UFSP2: variants seen among roughly 807,000 people sequenced by gnomAD.
The protein encoded by UFSP2 is ufm1-specific protease 2.
UFSP2 carries 43 observed loss-of-function variants against 60.2 expected under a neutral mutation model. The observed-to-expected ratio is 0.71, with a 90% CI of 0.56 to 0.92. UFSP2 has a LOEUF of 0.92. Among genes scored for constraint, UFSP2 ranks in the 40% least tolerant of loss-of-function variants. UFSP2 has a pLI of 0.00. For synonymous variants in UFSP2, 183 were observed against 195.1 expected (o/e 0.94, Z 0.52); for missense variants, 520 against 575.0 (o/e 0.90, Z 0.98).
chr4:185,422,126 A>G (rs2095550517), intron 2 of UFSP2, among the ~76,000 whole-genome samples: 1 of 152,176 alleles, frequency 6.6e-6, no homozygotes, highest in Non-Finnish European at 1.5e-5. Context: ...TATTTAAGAG[A>G]GTAGGTTCTG....
Position 185,408,271 on chromosome 4 carries a change from C to CGT in UFSP2, c.995_996insAC (p.Ala333ArgfsTer3). The CGT allele has an allele frequency of 6.2e-7, 1 of 1,613,748 alleles. No individual in the cohort carries two copies. Among genetic ancestry groups the CGT allele is most frequent in the Non-Finnish European group, 8.5e-7 (1 of 1,179,742 alleles). Reference sequence around the variant, plus strand: ...TAATTTAAAACGGTATGTTCTGTACCTGCTGAATTTCTCTGTGTGTTGGAA... The same window carrying CGT: ...TAATTTAAAACGGTATGTTCTGTACCGTTGCTGAATTTCTCTGTGTGTTGGAA... On this transcript the variant is annotated frameshift_variant and splice_region_variant, in exon 8 of 12. Coordinates refer to ENST00000264689, the MANE Select transcript of UFSP2 (RefSeq NM_018359.5). LOFTEE classifies it high-confidence loss of function.
rs78428291 is a variant in UFSP2 at position 185,404,075 on chromosome 4, G to T, written c.1199-457C>A. On this transcript the variant is annotated intron_variant, in intron 10 of 11. Coordinates refer to ENST00000264689, the MANE Select transcript of UFSP2 (RefSeq NM_018359.5). Reference sequence around the variant, plus strand: ...AAAGACACAATGTCAGATATACTCTGAAAGGATAAAATTACATCTTTAACA... The same window carrying T: ...AAAGACACAATGTCAGATATACTCTTAAAGGATAAAATTACATCTTTAACA... Among the ~76,000 whole-genome samples, 1,282 of 150,890 alleles carry T rather than the reference G, an allele frequency of 8.5e-3. 17 individuals are homozygous for T. Among genetic ancestry groups the T allele is most frequent in the African/African-American group, 0.03 (1,234 of 41,214 alleles).
intron 11 of UFSP2, among the ~76,000 whole-genome samples, chr4:185,402,988 C>T (rs1377905403): frequency 1.3e-5 from 2 of 152,102 alleles, no homozygotes; most frequent in South Asian, 4.1e-4. Flanking sequence ...ATTTTTACCT[C>T]CTTTATCTGC....
intron 5 of UFSP2, 74 bp from the exon 6 acceptor site, chr4:185,415,421 T>C (rs2095536805): frequency 1.6e-6 from 2 of 1,286,762 alleles, no homozygotes; most frequent in African/African-American, 3.2e-5. Flanking sequence ...AGAGCTAATA[T>C]ATCCTTAGTA....
chr4:185,418,540 G>T, intron 3 of UFSP2, 33 bp from the exon 4 acceptor site: 6 of 1,609,428 alleles, frequency 3.7e-6, no homozygotes, highest in Non-Finnish European at 5.1e-6. Flanking sequence ...TTTATAATAT[G>T]AAATGATGTT....
rs1270560414 is a variant in UFSP2, at chr4:185,415,862, T to C, written c.339A>G (p.Gln113=). Residue 113 remains glutamine, a synonymous_variant, in exon 5 of 12, where the codon CAA becomes CAG. Transcript: ENST00000264689. ...KKDKKLSDMH[Q]IVNIDLMLEM... ...CCAGCATAAGATCTATATTTACTAT[T>C]TGATGCTATATAGATAAACAGTAAT... 2 of 1,612,132 alleles carry C rather than the reference T, an allele frequency of 1.2e-6. No homozygotes were observed. Among genetic ancestry groups the C allele is most frequent in the East Asian group, 4.5e-5 (2 of 44,854 alleles).
In UFSP2 at chr4:185,418,047, A is replaced by AACACACACAC. The variant is rs56260529; in HGVS notation, c.333+384_333+393dup. On this transcript the variant is annotated intron_variant, in intron 4 of 11. Transcript: ENST00000264689. ...TAAAAAGAGTGAAACTCCATCTCAA[A>AACACACACAC]ACACACACACACACACACACAAACA... Among the ~76,000 whole-genome samples, 127 of 143,050 alleles carry AACACACACAC rather than the reference A, an allele frequency of 8.9e-4. 1 individual carries two copies. The highest frequency in any genetic ancestry group is 2.0e-3 in the South Asian group (9 of 4,442). The allele number at this position is 143,050 out of a possible 152,430, so 93.8% of individuals were successfully genotyped here.
chr4:185,425,629 T>C (rs796919295), intron 1 of UFSP2, among the ~76,000 whole-genome samples: 4 of 152,180 alleles, frequency 2.6e-5, no homozygotes, highest in African/African-American at 4.8e-5. Context: ...CACAGAGAAG[T>C]AGCAGGGGGT....
At chr4:185,410,008 C>T (rs2095526469) in intron 7 of UFSP2, among the ~76,000 whole-genome samples, 1 of 152,086 alleles carries the variant, frequency 6.6e-6, no homozygotes. Context: ...AGAACTGAGA[C>T]AATACATTTT....
chr4:185,406,763 A>ACAG (rs2095521041), intron 9 of UFSP2, among the ~76,000 whole-genome samples: 1 of 151,836 alleles, frequency 6.6e-6, no homozygotes, highest in Non-Finnish European at 1.5e-5. Context: ...TTTAGTAGAG[A>ACAG]CAGGGTTTCA....
At chr4:185,405,002 C>CTTTTTT (rs70962563) in intron 10 of UFSP2, among the ~76,000 whole-genome samples, 8 of 138,190 alleles carry the variant, frequency 5.8e-5, no homozygotes, top group Non-Finnish European at 9.2e-5. Flanking sequence ...ACCTCCATTT[C>CTTTTTT]TTTTTTTTTT....
Position 185,407,757 on chromosome 4 carries a change from C to CAA in UFSP2, c.1121+177_1121+178dup, listed in dbSNP as rs200719389. Among the ~76,000 whole-genome samples the CAA allele has an allele frequency of 3.1e-3, 419 of 137,222 alleles. 2 individuals are homozygous for CAA. Among genetic ancestry groups the CAA allele is most frequent in the Middle Eastern group, 0.015 (4 of 272 alleles). 90.0% of individuals were successfully genotyped at this position (137,222 alleles called of 152,430 possible). A position where few individuals can be genotyped will look rare whatever the true frequency, so the allele number is the denominator to read the frequency against. ...GTTTATTCATAAAATCAGAGCCTTC[C>CAA]AAAAAAAAATGAAAAAAAATTAAGA... On this transcript the variant is annotated intron_variant, in intron 9 of 11. Coordinates refer to ENST00000264689, the MANE Select transcript of UFSP2 (RefSeq NM_018359.5).
At chr4:185,403,743 G>A (rs1407762349) in intron 10 of UFSP2, 125 bp from the exon 11 acceptor site, 10 of 1,205,284 alleles carry the variant, frequency 8.3e-6, no homozygotes, top group Non-Finnish European at 1.1e-5. Flanking sequence ...CACTTTGGGA[G>A]GTGGGTGGAT....
intron 2 of UFSP2, among the ~76,000 whole-genome samples, chr4:185,419,515 A>C (rs765462303): frequency 1.3e-5 from 2 of 152,202 alleles, no homozygotes; most frequent in African/African-American, 2.4e-5. Context: ...AATCCCATTC[A>C]ATCCACTTAC....
intron 7 of UFSP2, 42 bp from the exon 8 acceptor site, chr4:185,408,477 T>C: frequency 6.3e-7 from 1 of 1,576,820 alleles, no homozygotes; most frequent in Non-Finnish European, 8.7e-7. Flanking sequence ...TAACTTAGGA[T>C]AGAAGTACAT....
At chr4:185,418,047 A>AACACACACACACACACACACAC (rs56260529) in intron 4 of UFSP2, among the ~76,000 whole-genome samples, 5,549 of 142,914 alleles carry the variant, frequency 0.039, 112 homozygotes, top group Middle Eastern at 0.064. Flanking sequence ...TCCATCTCAA[A>AACACACACACACACACACACAC]ACACACACAC....
intron 10 of UFSP2, among the ~76,000 whole-genome samples, chr4:185,404,481 A>G (rs1324031989): frequency 4.6e-5 from 7 of 151,482 alleles, no homozygotes; most frequent in Non-Finnish European, 1.0e-4. Context: ...ATTTTTTTTT[A>G]GTAGAGACGG....
Position 185,399,575 on chromosome 4 carries a change from G to A in UFSP2, c.*817C>T. The A allele has an allele frequency of 1.2e-6, 2 of 1,614,130 alleles. No individual in the cohort carries two copies. The highest frequency in any genetic ancestry group is 1.7e-6 in the Non-Finnish European group (2 of 1,179,986). On this transcript the variant is annotated 3_prime_UTR_variant, in exon 12 of 12. Coordinates refer to ENST00000264689, the MANE Select transcript of UFSP2 (RefSeq NM_018359.5). ...CGTTTTTATCCTGTTTTCAGTTTAT[G>A]TAATAAGAACGGGCAAACAGCTGAA...
intron 9 of UFSP2, among the ~76,000 whole-genome samples, chr4:185,406,505 CG>C (rs970926729): frequency 3.3e-5 from 5 of 152,048 alleles, no homozygotes; most frequent in African/African-American, 1.2e-4. Context: ...TAATGAGGAA[CG>C]TATGTTTTAA....
Sources: allele counts gnomAD v4.1 joint callset (sites outside exome capture counted in the v4.1 genomes callset), GRCh38; gene constraint gnomAD v4.1.1; transcripts MANE v1.5; gene names NCBI Gene and HGNC (gene_info 2026-07-23, HGNC 2026-07-21).